The following PCNX2 variants were observed in gnomAD, a reference collection of about 807,000 sequenced individuals.
PCNX2 encodes the protein pecanex 2.
A neutral mutation model predicts 223.8 loss-of-function variants in PCNX2; 168 were observed. The observed-to-expected ratio is 0.75, with a 90% CI of 0.66 to 0.85. The LOEUF (loss-of-function observed/expected upper bound fraction) is 0.85. Ranked by LOEUF, PCNX2 falls within the 40% of genes least tolerant of loss-of-function variation. The probability of loss-of-function intolerance (pLI) is 0.00; values close to 1 mark genes in which losing one functional copy is unlikely to be tolerated. For synonymous variants in PCNX2, 1,006 were observed against 1,052.6 expected (o/e 0.96, Z 0.86); for missense variants, 2,507 against 2,675.5 (o/e 0.94, Z 1.39).
chr1:233,295,079 C>T lies in PCNX2; in HGVS notation c.153+247G>A, dbSNP rs2103033833. Among the ~76,000 whole-genome samples the T allele has an allele frequency of 6.6e-6, 1 of 152,262 alleles. No individual in the cohort carries two copies. Among genetic ancestry groups the T allele is most frequent in the African/African-American group, 2.4e-5 (1 of 41,540 alleles). ...AAGCAGAGTGACTCATCCTAACATC[C>T]GGCATCAATTCTTAATGAGTCCCCG... On this transcript the variant is annotated intron_variant, in intron 1 of 33. Transcript: ENST00000258229. The surrounding 1 kb of genome is among the most constrained non-coding windows in gnomAD (Gnocchi z 4.1).
chr1:233,141,653 G>A (rs1182277413), intron 19 of PCNX2, among the ~76,000 whole-genome samples: 2 of 151,944 alleles, frequency 1.3e-5, no homozygotes, highest in African/African-American at 2.4e-5. Context: ...AGCCTGAGTG[G>A]CAGAGAGAGA....
chr1:233,280,243 A>G (rs967038470), intron 1 of PCNX2, among the ~76,000 whole-genome samples: 2 of 151,774 alleles, frequency 1.3e-5, no homozygotes, highest in African/African-American at 4.8e-5. Context: ...CTTTGAACGT[A>G]CATCCCTTTG....
At chr1:233,092,994 T>C (rs1358472289) in intron 22 of PCNX2, among the ~76,000 whole-genome samples, 3 of 152,006 alleles carry the variant, frequency 2.0e-5, no homozygotes, top group African/African-American at 4.8e-5. Context: ...AGAGACGGGG[T>C]TTCACCGTGT....
At chr1:233,057,407 A>C (rs765642926) in intron 23 of PCNX2, 117 bp from the exon 24 acceptor site, 1 of 767,296 alleles carries the variant, frequency 1.3e-6, no homozygotes, top group Non-Finnish European at 2.2e-6. Context: ...CTCACAGGTT[A>C]AGACGATTGC....
At chr1:233,073,095 G>T (rs1672929068) in intron 23 of PCNX2, among the ~76,000 whole-genome samples, 3 of 151,970 alleles carry the variant, frequency 2.0e-5, no homozygotes, top group South Asian at 2.1e-4. Flanking sequence ...TAGATGTTCT[G>T]TTTATTCTTC....
At chr1:233,148,159 G>A (rs1055657663) in intron 19 of PCNX2, among the ~76,000 whole-genome samples, 2 of 152,196 alleles carry the variant, frequency 1.3e-5, no homozygotes, top group African/African-American at 2.4e-5. Flanking sequence ...GACAGCAAAT[G>A]TGTTTACACT....
At chr1:233,143,681 G>A (rs924652593) in intron 19 of PCNX2, among the ~76,000 whole-genome samples, 3 of 152,164 alleles carry the variant, frequency 2.0e-5, no homozygotes, top group Non-Finnish European at 2.9e-5. Flanking sequence ...AAGGACTGAA[G>A]GACTAAACTG....
intron 23 of PCNX2, among the ~76,000 whole-genome samples, chr1:233,063,817 T>G (rs911853670): frequency 5.9e-5 from 9 of 152,274 alleles, no homozygotes; most frequent in Admixed American, 1.3e-4. Flanking sequence ...CCCTGGAATA[T>G]TTCCCATTTC....
chr1:233,039,928 T>C (rs547250221), intron 25 of PCNX2, among the ~76,000 whole-genome samples: 79 of 152,330 alleles, frequency 5.2e-4, no homozygotes, highest in African/African-American at 1.6e-3. Flanking sequence ...ATCTCTATTA[T>C]TTTTTGTTTG....
intron 21 of PCNX2, among the ~76,000 whole-genome samples, chr1:233,117,038 G>A (rs963852301): frequency 6.6e-6 from 1 of 152,110 alleles, no homozygotes; most frequent in African/African-American, 2.4e-5. Context: ...TAGTAAATTT[G>A]TCAATTTAGA....
chr1:233,225,981 T>C (rs75108650), intron 10 of PCNX2, among the ~76,000 whole-genome samples: 1,560 of 152,324 alleles, frequency 0.01, 26 homozygotes, highest in African/African-American at 0.036. Context: ...TTTTTTCATA[T>C]GTGATCACAC....
chr1:233,211,028 G>A (rs532710676), intron 12 of PCNX2, among the ~76,000 whole-genome samples: 2 of 152,330 alleles, frequency 1.3e-5, no homozygotes, highest in African/African-American at 4.8e-5. Context: ...GCTAAGTGAC[G>A]AGGCCATCCT....
At chr1:233,013,655 AC>A (rs1376750591) in intron 28 of PCNX2, among the ~76,000 whole-genome samples, 2 of 152,194 alleles carry the variant, frequency 1.3e-5, no homozygotes, top group African/African-American at 4.8e-5. Context: ...TAATATAGAC[AC>A]AATGAAGCAA....
chr1:233,204,436 C>T (rs1308257789), intron 13 of PCNX2, among the ~76,000 whole-genome samples: 7 of 152,140 alleles, frequency 4.6e-5, no homozygotes, highest in African/African-American at 1.7e-4. Flanking sequence ...TAGAGCTGTA[C>T]ACTTCTTTTT....
At chr1:233,083,824 C>T (rs1673473781) in intron 23 of PCNX2, among the ~76,000 whole-genome samples, 1 of 152,124 alleles carries the variant, frequency 6.6e-6, no homozygotes, top group Admixed American at 6.6e-5. Flanking sequence ...AGCAGGCTGG[C>T]TATGGATGTG....
rs376059360 is a variant in PCNX2 at position 233,258,547 on chromosome 1, C to G, written c.1315G>C (p.Gly439Arg). 4.8e-5 allele frequency: 78 copies of G among 1,613,914 alleles called. No homozygotes were observed. Among genetic ancestry groups the G allele is most frequent in the Non-Finnish European group, 4.5e-5 (53 of 1,179,914 alleles). The change falls in exon 5 of 34, where the codon GGG (glycine) becomes CGG (arginine). Residue 439 changes from glycine to arginine, a missense_variant. Gly to Arg is a moderately radical substitution (Grantham distance 125). This residue lies in a region of PCNX2 where 1,031 missense variants were observed against 1,021.7 expected (regional missense o/e 1.01). Transcript: ENST00000258229. The stretch of plus-strand genomic sequence containing the variant: ...TCGGGACAGGGAACACCTCCTCCCC[C>G]ACCCTCAGGCAGGTCCAGGGTGATT... ...PVITLDLPEG[G>R]GGGVPCPEGN...
intron 21 of PCNX2, among the ~76,000 whole-genome samples, chr1:233,124,145 A>G (rs1384181169): frequency 6.6e-6 from 1 of 152,196 alleles, no homozygotes; most frequent in African/African-American, 2.4e-5. Context: ...CTATACTTTC[A>G]AATGACAACC....
intron 15 of PCNX2, among the ~76,000 whole-genome samples, chr1:233,179,474 T>C (rs1295847332): frequency 6.6e-6 from 1 of 152,194 alleles, no homozygotes; most frequent in African/African-American, 2.4e-5. Context: ...TAAACATGTG[T>C]CCCTCCTCTG....
At chr1:233,213,310 G>A (rs1009381129) in intron 12 of PCNX2, among the ~76,000 whole-genome samples, 10 of 151,960 alleles carry the variant, frequency 6.6e-5, no homozygotes, top group Admixed American at 3.9e-4. Flanking sequence ...GAGACAAGAC[G>A]GCTATTATAA....
Sources: allele counts gnomAD v4.1 joint callset (sites outside exome capture counted in the v4.1 genomes callset), GRCh38; gene constraint gnomAD v4.1.1; regional missense constraint gnomAD v4.1.1; non-coding constraint Gnocchi (gnomAD v3.1); transcripts MANE v1.5; gene names NCBI Gene and HGNC (gene_info 2026-07-23, HGNC 2026-07-21).